Variants in KLF7 observed in about 807,000 individuals in gnomAD.
KLF7 encodes Krueppel-like factor 7.
A neutral mutation model predicts 27.3 loss-of-function variants in KLF7; 2 were observed. The ratio of observed to expected loss-of-function variants is 0.07; its 90% CI spans 0.03 to 0.23. KLF7 has a LOEUF of 0.23. KLF7 is among the 10% of genes least tolerant of loss of function. The pLI is 1.00. For missense variants in KLF7, 221 were observed against 394.1 expected (o/e 0.56, Z 3.72); for synonymous variants, 165 against 162.4 (o/e 1.02, Z -0.12).
At chr2:207,150,002 C>T (rs1204663566) in intron 1 of KLF7, among the ~76,000 whole-genome samples, 1 of 152,126 alleles carries the variant, frequency 6.6e-6, no homozygotes, top group Non-Finnish European at 1.5e-5. Flanking sequence ...TCACTGTAGC[C>T]ACACAGATGT....
chr2:207,152,272 TACACACACACACACACACACAC>T (rs67380335), intron 1 of KLF7, among the ~76,000 whole-genome samples: 86,474 of 150,474 alleles, frequency 0.57, 26,127 homozygotes, highest in East Asian at 0.87. Flanking sequence ...ATGTTTTTCT[TACACACACACACACACACACAC>T]ACACACACAC....
intron 1 of KLF7, chr2:207,149,043 C>T (rs766972696): frequency 5.9e-6 from 7 of 1,187,342 alleles, no homozygotes; most frequent in Non-Finnish European, 7.5e-6. Flanking sequence ...TGTCTCCTTA[C>T]AGCCAACTCT....
At chr2:207,088,195 C>T (rs1026813639) in intron 3 of KLF7, among the ~76,000 whole-genome samples, 3 of 152,128 alleles carry the variant, frequency 2.0e-5, no homozygotes, top group Admixed American at 2.0e-4. Context: ...TTGTTGATAC[C>T]GAGTGATTAA....
chr2:207,099,352 G>A (rs2076702659), intron 2 of KLF7, among the ~76,000 whole-genome samples: 1 of 151,800 alleles, frequency 6.6e-6, no homozygotes, highest in Non-Finnish European at 1.5e-5. Context: ...AGGACAGGTG[G>A]GGAGGGGAGA....
intron 1 of KLF7, among the ~76,000 whole-genome samples, chr2:207,150,873 TG>T (rs1253900453): frequency 6.6e-6 from 1 of 151,954 alleles, no homozygotes; most frequent in Non-Finnish European, 1.5e-5. Flanking sequence ...ATTCTTTTCC[TG>T]CAAATGTTCA....
intron 1 of KLF7, among the ~76,000 whole-genome samples, chr2:207,152,322 T>G (rs1365846217): frequency 6.7e-6 from 1 of 149,478 alleles, no homozygotes; most frequent in Non-Finnish European, 1.5e-5. Flanking sequence ...GAGTTTTTAC[T>G]ACAACTGACC....
At chr2:207,128,494 T>C (rs1427522357) in intron 1 of KLF7, among the ~76,000 whole-genome samples, 1 of 152,178 alleles carries the variant, frequency 6.6e-6, no homozygotes, top group Non-Finnish European at 1.5e-5. Flanking sequence ...AGATCTATGA[T>C]GAGAAACAAG....
intron 2 of KLF7, among the ~76,000 whole-genome samples, chr2:207,114,945 ATATG>A (rs1322061710): frequency 6.6e-6 from 1 of 152,224 alleles, no homozygotes; most frequent in Admixed American, 6.5e-5. Flanking sequence ...CCTGAAAACA[ATATG>A]TACCACTTTA....
At chr2:207,103,796 C>A (rs557495093) in intron 2 of KLF7, among the ~76,000 whole-genome samples, 1 of 152,216 alleles carries the variant, frequency 6.6e-6, no homozygotes, top group Non-Finnish European at 1.5e-5. Context: ...GCAGGATTAT[C>A]GTGAAATGTG....
chr2:207,149,485 G>A (rs1401520924), intron 1 of KLF7, among the ~76,000 whole-genome samples: 3 of 152,206 alleles, frequency 2.0e-5, no homozygotes, highest in African/African-American at 4.8e-5. Flanking sequence ...TCTGCTCAGC[G>A]GTGGTGCTGT....
intron 1 of KLF7, among the ~76,000 whole-genome samples, chr2:207,152,272 T>TACACACACACACACACACACACAC (rs67380335): frequency 2.0e-5 from 3 of 150,580 alleles, no homozygotes; most frequent in African/African-American, 7.4e-5. Context: ...ATGTTTTTCT[T>TACACACACACACACACACACACAC]ACACACACAC....
chr2:207,123,940 CGTCACGGCTGCTGCAGCT>C lies in KLF7; in HGVS notation c.549_566del (p.Ala186_Ala191del). 6.2e-7 allele frequency: 1 copy of C among 1,614,170 alleles called. No homozygotes were observed. The highest frequency in any genetic ancestry group is 8.5e-7 in the Non-Finnish European group (1 of 1,180,040). On this transcript the variant is annotated inframe_deletion, in exon 2 of 4. Coordinates refer to ENST00000309446, the MANE Select transcript of KLF7 (RefSeq NM_003709.4). Reference sequence around the variant, plus strand: ...GTCCACTCTTAACGGCCCCCGCAGCCGTCACGGCTGCTGCAGCTGTTGCGACCCCTCCCACCTTTACGG... The same window carrying C: ...GTCCACTCTTAACGGCCCCCGCAGCCGTTGCGACCCCTCCCACCTTTACGG...
chr2:207,094,056 A>G (rs943701052), intron 2 of KLF7, among the ~76,000 whole-genome samples: 1 of 152,248 alleles, frequency 6.6e-6, no homozygotes, highest in Admixed American at 6.5e-5. Flanking sequence ...GCGTCATTTT[A>G]TGAAACTCAT....
chr2:207,149,380 T>C (rs1559162369), intron 1 of KLF7, among the ~76,000 whole-genome samples: 1 of 152,210 alleles, frequency 6.6e-6, no homozygotes, highest in African/African-American at 2.4e-5. Context: ...CCTGGGCCCA[T>C]ATCCCAGGCT....
At chr2:207,167,696 A>G (rs1035938247), upstream of KLF7, among the ~76,000 whole-genome samples, 6 of 152,196 alleles carry the variant, frequency 3.9e-5, no homozygotes, top group African/African-American at 1.4e-4. Context: ...TGCATCTGCA[A>G]TTAGATGTGC....
At chr2:207,099,597 T>TAAA (rs35506482) in intron 2 of KLF7, among the ~76,000 whole-genome samples, 2 of 99,810 alleles carry the variant, frequency 2.0e-5, no homozygotes, top group Admixed American at 9.5e-5. Context: ...TCAATGGTAT[T>TAAA]AAAAAAAAAA....
chr2:207,166,755 A>G, upstream of KLF7: 1 of 978,662 alleles, frequency 1.0e-6, no homozygotes, highest in South Asian at 4.7e-5. Flanking sequence ...GTCCTCACGT[A>G]CTCAAAAACA....
chr2:207,120,161 T>A lies in KLF7; in HGVS notation c.733+3613A>T, dbSNP rs1423447471. ...TGTGCCCTAGCTACCAATGTGAACA[T>A]CTGCTACCTTAAAAAATAATAAATA... On this transcript the variant is annotated intron_variant, in intron 2 of 3. Transcript: ENST00000309446. 2.0e-5 allele frequency among the ~76,000 whole-genome samples: 3 copies of A among 152,102 alleles called. No individual in the cohort carries two copies. In the East Asian group the frequency reaches 5.8e-4, roughly 29 times the overall value.
intron 1 of KLF7, among the ~76,000 whole-genome samples, chr2:207,152,199 C>T (rs554075613): frequency 1.3e-5 from 2 of 148,924 alleles, no homozygotes; most frequent in South Asian, 2.2e-4. Flanking sequence ...GCAGTTACAG[C>T]GGTTAATGGA....
Sources: allele counts gnomAD v4.1 joint callset (sites outside exome capture counted in the v4.1 genomes callset), GRCh38; gene constraint gnomAD v4.1.1; transcripts MANE v1.5; gene names NCBI Gene and HGNC (gene_info 2026-07-23, HGNC 2026-07-21).